The following PKHD1 variants were observed in gnomAD, a reference collection of about 807,000 sequenced individuals.
The protein encoded by PKHD1 is PKHD1 ciliary IPT domain containing fibrocystin/polyductin.
Under a neutral mutation model 412.0 loss-of-function variants are expected in PKHD1, and 291 were observed. The ratio of observed to expected loss-of-function variants is 0.71; its 90% CI spans 0.64 to 0.78. The LOEUF is 0.78. Among genes scored for constraint, PKHD1 ranks in the 30% least tolerant of loss-of-function variants. PKHD1 has a pLI of 0.00. For missense variants in PKHD1, 4,825 were observed against 4,950.7 expected, an observed-to-expected ratio of 0.97 and a Z score of 0.76; for synonymous variants, 1,777 against 1,821.5, an observed-to-expected ratio of 0.98 and a Z score of 0.62.
intron 60 of PKHD1, among the ~76,000 whole-genome samples, chr6:51,697,170 A>G (rs1582140095): frequency 1.5e-5 from 2 of 129,548 alleles, no homozygotes; most frequent in South Asian, 6.0e-4. Context: ...ACAGAGTGAG[A>G]CTCCGTCTCA....
rs575969395 is a variant in PKHD1, at chr6:52,052,396, G to A, written c.2140+680C>T. On this transcript the variant is annotated intron_variant, in intron 21 of 66. Transcript: ENST00000371117. The stretch of plus-strand genomic sequence containing the variant: ...GGTGAGACCACTGTGCCCAAGAGTG[G>A]TCAAGGGAGAGTTCGGGAAGGAAGA... 2.5e-4 allele frequency among the ~76,000 whole-genome samples: 38 copies of A among 152,328 alleles called. 1 individual carries two copies. The South Asian group carries it at 6.9e-3, about 27-fold the overall frequency.
intron 60 of PKHD1, among the ~76,000 whole-genome samples, chr6:51,670,077 G>C (rs1774644816): frequency 7.0e-6 from 1 of 142,710 alleles, no homozygotes; most frequent in Admixed American, 7.0e-5. Flanking sequence ...TTGGTGCAGA[G>C]CTGAGTTCAA....
intron 42 of PKHD1, 35 bp from the exon 43 acceptor site, chr6:51,903,762 A>G (rs762423881): frequency 1.1e-5 from 17 of 1,588,672 alleles, no homozygotes; most frequent in African/African-American, 1.4e-5. Flanking sequence ...ATCCACAAAC[A>G]TAATTAAAAT....
chr6:51,717,730 A>G (rs1365639877), intron 60 of PKHD1, among the ~76,000 whole-genome samples: 3 of 152,204 alleles, frequency 2.0e-5, no homozygotes, highest in Non-Finnish European at 4.4e-5. Flanking sequence ...TAAGCAACAT[A>G]TGACTGTATT....
chr6:51,701,795 T>C (rs1277164496), intron 60 of PKHD1, among the ~76,000 whole-genome samples: 1 of 151,942 alleles, frequency 6.6e-6, no homozygotes, highest in African/African-American at 2.4e-5. Context: ...TAGTATTTTA[T>C]AGTGCAGAAG....
chr6:51,901,803 T>C (rs1781351614), intron 43 of PKHD1, among the ~76,000 whole-genome samples: 1 of 152,128 alleles, frequency 6.6e-6, no homozygotes, highest in Non-Finnish European at 1.5e-5. Context: ...ACATATGCAT[T>C]GTATTTTTTT....
intron 60 of PKHD1, among the ~76,000 whole-genome samples, chr6:51,676,369 AAAAAAG>A (rs1291907212): frequency 6.6e-6 from 1 of 152,076 alleles, no homozygotes; most frequent in Non-Finnish European, 1.5e-5. Flanking sequence ...TGTTTTCAAC[AAAAAAG>A]AAAAATTTAT....
chr6:51,804,779 T>A (rs1277357700), intron 52 of PKHD1, among the ~76,000 whole-genome samples: 11 of 152,052 alleles, frequency 7.2e-5, no homozygotes, highest in Non-Finnish European at 1.3e-4. Context: ...AAGAGCTCCA[T>A]ACATCCAAAA....
At position 52,010,373 on chromosome 6, in the gene PKHD1, G is replaced by A. The variant is rs140996978; in HGVS notation, c.5687C>T (p.Thr1896Met). 4.5e-5 allele frequency: 72 copies of A among 1,612,706 alleles called. No individual in the cohort carries two copies. The highest frequency in any genetic ancestry group is 1.3e-4 in the Admixed American group (8 of 59,992). The change falls in exon 35 of 67, where the codon ACG becomes ATG. Residue 1896 changes from threonine (T) to methionine (M), a missense_variant. Coordinates refer to ENST00000371117, the MANE Select transcript of PKHD1 (RefSeq NM_138694.4). The stretch of plus-strand genomic sequence containing the variant: ...CTTGACGGTAATTGGCTGATTGGGC[G>A]TCTCACACTCCATCTCTGCCTCAGT... ...METEAEMECE[T>M]PNQPITVKIT...
At chr6:51,904,176 G>C (rs913673334) in intron 41 of PKHD1, 134 bp from the exon 42 acceptor site, 42 of 691,216 alleles carry the variant, frequency 6.1e-5, no homozygotes, top group African/African-American at 5.7e-4. Context: ...ATCAGGGAAA[G>C]AGATACAGAT....
intron 52 of PKHD1, among the ~76,000 whole-genome samples, chr6:51,793,755 T>C (rs1794125515): frequency 6.6e-6 from 1 of 152,240 alleles, no homozygotes; most frequent in Admixed American, 6.5e-5. Context: ...TACCACATTT[T>C]CTGTATCCAG....
chr6:51,939,624 A>G (rs1306324301), intron 36 of PKHD1, among the ~76,000 whole-genome samples: 4 of 151,566 alleles, frequency 2.6e-5, no homozygotes, highest in African/African-American at 4.8e-5. Flanking sequence ...CGTAAAATAG[A>G]CAAACCGTCT....
chr6:51,735,630 A>T (rs182228179), intron 60 of PKHD1, among the ~76,000 whole-genome samples: 182 of 152,302 alleles, frequency 1.2e-3, no homozygotes, highest in African/African-American at 4.1e-3. Flanking sequence ...CATAGTCTTA[A>T]AAACACAGTT....
At chr6:51,953,324 AT>A (rs1344640350) in intron 36 of PKHD1, among the ~76,000 whole-genome samples, 2 of 152,106 alleles carry the variant, frequency 1.3e-5, no homozygotes, top group Admixed American at 6.6e-5. Flanking sequence ...TGAATATCAT[AT>A]TTTTATCAAA....
At chr6:51,728,809 CA>C (rs1475053569) in intron 60 of PKHD1, among the ~76,000 whole-genome samples, 1 of 152,154 alleles carries the variant, frequency 6.6e-6, no homozygotes, top group African/African-American at 2.4e-5. Flanking sequence ...AAAACTTGTA[CA>C]AAAACCAGGA....
intron 50 of PKHD1, among the ~76,000 whole-genome samples, chr6:51,845,555 G>C (rs1462306797): frequency 3.3e-5 from 5 of 152,172 alleles, no homozygotes; most frequent in African/African-American, 1.2e-4. Flanking sequence ...GGAGATACTA[G>C]GGTATTCCAA....
At chr6:52,087,103 AT>A (rs1360191425) in intron 1 of PKHD1, among the ~76,000 whole-genome samples, 1 of 152,314 alleles carries the variant, frequency 6.6e-6, no homozygotes, top group Admixed American at 6.5e-5. Context: ...TATAAATGTA[AT>A]TTTTTATTAG....
intron 6 of PKHD1, among the ~76,000 whole-genome samples, chr6:52,074,738 C>T (rs1811109673): frequency 6.6e-6 from 1 of 152,186 alleles, no homozygotes; most frequent in South Asian, 2.1e-4. Flanking sequence ...AGCATCGTCT[C>T]TCTTGTCCCT....
At chr6:51,907,910 T>C (rs1263139830) in intron 40 of PKHD1, among the ~76,000 whole-genome samples, 1 of 152,144 alleles carries the variant, frequency 6.6e-6, no homozygotes, top group Non-Finnish European at 1.5e-5. Context: ...ATATAAAATA[T>C]CTATAAAAAT....
Sources: gnomAD v4.1 joint callset for allele counts (sites outside exome capture counted in the v4.1 genomes callset) on GRCh38, gnomAD v4.1.1 for gene constraint, MANE v1.5 for transcripts, NCBI Gene and HGNC (gene_info 2026-07-23, HGNC 2026-07-21) for gene names.